The following GPBP1 variants were observed in gnomAD, a reference collection of about 807,000 sequenced individuals.
GPBP1 encodes GC-rich promoter binding protein 1.
GPBP1 carries 13 observed loss-of-function variants against 56.5 expected under a neutral mutation model. The observed-to-expected ratio is 0.23, with a 90% CI of 0.15 to 0.37. The LOEUF (loss-of-function observed/expected upper bound fraction) is 0.37. Ranked by LOEUF, GPBP1 falls within the 10% of genes least tolerant of loss-of-function variation. GPBP1 has a pLI of 1.00. For missense variants in GPBP1, 477 were observed against 572.3 expected (o/e 0.83, Z 1.70); for synonymous variants, 204 against 188.9 (o/e 1.08, Z -0.66).
At chr5:57,228,990 G>A (rs1756319420) in intron 3 of GPBP1, among the ~76,000 whole-genome samples, 1 of 151,994 alleles carries the variant, frequency 6.6e-6, no homozygotes, top group Non-Finnish European at 1.5e-5. Flanking sequence ...AGCACTTTGG[G>A]AGGCCAAGGC....
At chr5:57,206,880 G>A (rs922852461) in intron 2 of GPBP1, among the ~76,000 whole-genome samples, 4 of 152,132 alleles carry the variant, frequency 2.6e-5, no homozygotes, top group African/African-American at 9.7e-5. Context: ...CAAGGTGCGA[G>A]GATTGCTTGA....
chr5:57,205,192 G>A (rs1437434502), intron 2 of GPBP1, among the ~76,000 whole-genome samples: 3 of 152,044 alleles, frequency 2.0e-5, no homozygotes, highest in Non-Finnish European at 2.9e-5. Context: ...CTTATAACTT[G>A]AGGCATACAA....
chr5:57,213,058 T>A (rs969047314), intron 2 of GPBP1, among the ~76,000 whole-genome samples: 2 of 151,914 alleles, frequency 1.3e-5, no homozygotes, highest in African/African-American at 4.8e-5. Flanking sequence ...TGTCTTTTTT[T>A]TTATTATTTT....
At chr5:57,176,938 G>T (rs1476596281) in intron 2 of GPBP1, among the ~76,000 whole-genome samples, 1 of 152,136 alleles carries the variant, frequency 6.6e-6, no homozygotes, top group African/African-American at 2.4e-5. Context: ...AGGCATAGTT[G>T]TTCCTAACAT....
chr5:57,175,006 C>A (rs1018724798), intron 1 of GPBP1, among the ~76,000 whole-genome samples: 2 of 152,214 alleles, frequency 1.3e-5, no homozygotes, highest in Admixed American at 1.3e-4. Context: ...GCCTCTTTCT[C>A]TTTACACTTA....
chr5:57,175,462 C>T lies in GPBP1; in HGVS notation c.-996C>T. On this transcript the variant is annotated 5_prime_UTR_variant, in exon 2 of 12. Coordinates refer to ENST00000506184, the MANE Select transcript of GPBP1 (RefSeq NM_022913.4). ...AACTTTTACAGGTGATTGAATTACT[C>T]AGATATGAAGATCATCATCTAGGTT... 2 of 398,454 alleles carry T rather than the reference C, an allele frequency of 5.0e-6. No individual in the cohort carries two copies. Among genetic ancestry groups the T allele is most frequent in the Non-Finnish European group, 8.8e-6 (2 of 226,038 alleles). 24.7% of individuals were successfully genotyped at this position (398,454 alleles called of 1,614,324 possible).
At chr5:57,198,717 C>T (rs911017477) in intron 2 of GPBP1, among the ~76,000 whole-genome samples, 1 of 151,962 alleles carries the variant, frequency 6.6e-6, no homozygotes, top group Non-Finnish European at 1.5e-5. Context: ...AGCATGGTGG[C>T]GCGTGCCTGT....
intron 10 of GPBP1, among the ~76,000 whole-genome samples, chr5:57,256,785 T>C (rs1580086198): frequency 6.6e-6 from 1 of 152,296 alleles, no homozygotes; most frequent in African/African-American, 2.4e-5. Flanking sequence ...AGTTTGAGTT[T>C]CCTTGACTGT....
At chr5:57,219,654 A>G (rs755156995) in intron 3 of GPBP1, among the ~76,000 whole-genome samples, 15 of 152,032 alleles carry the variant, frequency 9.9e-5, no homozygotes, top group Admixed American at 5.9e-4. Context: ...GCCTGGATGC[A>G]TATGGGTTTC....
intron 6 of GPBP1, among the ~76,000 whole-genome samples, chr5:57,244,671 G>T (rs1188187509): frequency 6.7e-6 from 1 of 149,628 alleles, no homozygotes; most frequent in African/African-American, 2.5e-5. Flanking sequence ...AAAAATAATT[G>T]GAAATCTTAC....
intron 8 of GPBP1, 115 bp downstream of exon 8, chr5:57,247,330 C>A: frequency 2.3e-6 from 2 of 857,048 alleles, no homozygotes; most frequent in Non-Finnish European, 3.4e-6. Flanking sequence ...TTCATTCCTT[C>A]AGAAAACTGG....
At chr5:57,223,519 T>G (rs1453773095) in intron 3 of GPBP1, among the ~76,000 whole-genome samples, 1 of 152,140 alleles carries the variant, frequency 6.6e-6, no homozygotes, top group Non-Finnish European at 1.5e-5. Context: ...TTCAATATAA[T>G]CAATGGACAT....
chr5:57,250,548 G>GTTT (rs751963720), intron 9 of GPBP1, among the ~76,000 whole-genome samples: 74 of 131,650 alleles, frequency 5.6e-4, no homozygotes, highest in African/African-American at 1.6e-3. Flanking sequence ...ATGGTTGTTG[G>GTTT]TTTTTTTTTT....
intron 2 of GPBP1, among the ~76,000 whole-genome samples, chr5:57,206,662 C>T (rs2111726140): frequency 6.6e-6 from 1 of 152,246 alleles, no homozygotes; most frequent in East Asian, 1.9e-4. Flanking sequence ...GCGTGAGCTA[C>T]TGCACCCAGC....
intron 6 of GPBP1, 80 bp from the exon 7 acceptor site, chr5:57,246,220 T>G: frequency 8.9e-7 from 1 of 1,121,696 alleles, no homozygotes; most frequent in Non-Finnish European, 1.3e-6. Flanking sequence ...AAATTTGGAA[T>G]ATACTGTTCT....
At chr5:57,236,762 AATT>A (rs1756679543) in intron 6 of GPBP1, among the ~76,000 whole-genome samples, 1 of 152,140 alleles carries the variant, frequency 6.6e-6, no homozygotes, top group Admixed American at 6.6e-5. Flanking sequence ...TGAAAAATAA[AATT>A]AATCATTTGA....
chr5:57,187,309 GACA>G lies in GPBP1; in HGVS notation c.-58+10913_-58+10915del, dbSNP rs1754334059. Among the ~76,000 whole-genome samples the G allele has an allele frequency of 1.1e-4, 17 of 152,232 alleles. 1 individual carries two copies. In the South Asian group the frequency reaches 3.5e-3, roughly 32 times the overall value. On this transcript the variant is annotated intron_variant, in intron 2 of 11. Coordinates refer to ENST00000506184, the MANE Select transcript of GPBP1 (RefSeq NM_022913.4). ...TCATACTTGAGCATACTTAGAAAATGACAACATTTCTATACTGGAAATGAGAAA... is the reference window on the plus strand; with the variant it reads ...TCATACTTGAGCATACTTAGAAAATGACATTTCTATACTGGAAATGAGAAA...
chr5:57,185,703 A>G (rs990774359), intron 2 of GPBP1, among the ~76,000 whole-genome samples: 2 of 149,284 alleles, frequency 1.3e-5, no homozygotes, highest in Non-Finnish European at 3.0e-5. Context: ...TTGCCTGTTT[A>G]AAAAAAAAAC....
rs1191087759 is a variant in GPBP1, at chr5:57,246,385, C to T, written c.564C>T (p.Phe188=). 2 of 1,613,088 alleles carry T rather than the reference C, an allele frequency of 1.2e-6. No individual in the cohort carries two copies. The highest frequency in any genetic ancestry group is 1.3e-5 in the African/African-American group (1 of 74,878). Reference sequence around the variant, plus strand: ...CAAAAGACTTACAGCTATCTGGATTCCCAGTAGTAGGAAATCTTCCGTCAC... The same window carrying T: ...CAAAAGACTTACAGCTATCTGGATTTCCAGTAGTAGGAAATCTTCCGTCAC... The part of the protein sequence containing the change: ...GNTKDLQLSG[F]PVVGNLPSQP... The change falls in exon 7 of 12, where the codon TTC becomes TTT. Residue 188 remains phenylalanine (F), a synonymous_variant. Coordinates refer to ENST00000506184, the MANE Select transcript of GPBP1 (RefSeq NM_022913.4).
Sources: gnomAD v4.1 joint callset for allele counts (sites outside exome capture counted in the v4.1 genomes callset) on GRCh38, gnomAD v4.1.1 for gene constraint, MANE v1.5 for transcripts, NCBI Gene and HGNC (gene_info 2026-07-23, HGNC 2026-07-21) for gene names.